The following ABCA4 variants were observed in gnomAD, a reference collection of about 807,000 sequenced individuals.
ABCA4 encodes retinal-specific phospholipid-transporting ATPase ABCA4.
ABCA4 carries 196 observed loss-of-function variants against 263.7 expected under a neutral mutation model. The ratio of observed to expected loss-of-function variants is 0.74; its 90% CI spans 0.66 to 0.84. The LOEUF (loss-of-function observed/expected upper bound fraction) is 0.84, where lower values mean the gene tolerates loss of function less well. Among genes scored for constraint, ABCA4 ranks in the 40% least tolerant of loss-of-function variants. The pLI is 0.00. For synonymous variants in ABCA4, 1,133 were observed against 1,094.2 expected (o/e 1.04, Z -0.70); for missense variants, 2,792 against 2,855.1 (o/e 0.98, Z 0.50).
rs372477715 is a variant in ABCA4 at position 94,030,350 on chromosome 1, C to T, written c.4352+78G>A. Reference sequence around the variant, plus strand: ...GCAGGATTGAGTGGGGCCTCCCCAACGCCTGCCATCTTGAACCCACCGTTG... The same window carrying T: ...GCAGGATTGAGTGGGGCCTCCCCAATGCCTGCCATCTTGAACCCACCGTTG... On this transcript the variant is annotated intron_variant, in intron 29 of 49. Transcript: ENST00000370225. 94 of 1,298,138 alleles carry T rather than the reference C, an allele frequency of 7.2e-5. 1 individual carries two copies. The highest frequency in any genetic ancestry group is 2.8e-4 in the Admixed American group (16 of 58,012). 80.4% of individuals were successfully genotyped at this position (1,298,138 alleles called of 1,614,324 possible). A position where few individuals can be genotyped will look rare whatever the true frequency, so the allele number is the denominator to read the frequency against.
chr1:94,036,243 C>T (rs1320502), intron 26 of ABCA4, among the ~76,000 whole-genome samples: 68,739 of 150,106 alleles, frequency 0.46, 16,726 homozygotes, highest in Non-Finnish European at 0.55. Context: ...TCCAAAGTGT[C>T]CCCATCTAGA....
At position 94,108,561 on chromosome 1, in the gene ABCA4, C is replaced by CTGCAGTCA; in HGVS notation, c.442+8_442+15dup. On this transcript the variant is annotated intron_variant, in intron 4 of 49. Transcript: ENST00000370225. ...GTGAGGGAAATGATGCTTGAGAGCACTGCAGTCATGCTTACCTGCAATTCT... is the reference window on the plus strand; with the variant it reads ...GTGAGGGAAATGATGCTTGAGAGCACTGCAGTCATGCAGTCATGCTTACCTGCAATTCT... The CTGCAGTCA allele has an allele frequency of 6.2e-7, 1 of 1,613,166 alleles. No homozygotes were observed. Among genetic ancestry groups the CTGCAGTCA allele is most frequent in the Non-Finnish European group, 8.5e-7 (1 of 1,179,782 alleles).
chr1:94,115,358 A>G (rs1263823444), intron 1 of ABCA4, among the ~76,000 whole-genome samples: 1 of 152,190 alleles, frequency 6.6e-6, no homozygotes, highest in African/African-American at 2.4e-5. Context: ...TACGTTAAAC[A>G]CTGATGCTGA....
At position 94,000,877 on chromosome 1, in the gene ABCA4, G is replaced by T. The variant is rs755121378; in HGVS notation, c.6438C>A (p.Gly2146=). Residue 2146 remains glycine, a synonymous_variant, in exon 47 of 50, where the codon GGC becomes GGA. Transcript: ENST00000370225. The part of the protein sequence containing the change: ...LCTRLAIMVK[G]AFRCMGTIQH... ...GAATGGTGCCCATACATCGAAAGGCGCCCTTTACCATGATGGCCAGCCGGG... is the reference window on the plus strand; with the variant it reads ...GAATGGTGCCCATACATCGAAAGGCTCCCTTTACCATGATGGCCAGCCGGG... The T allele has an allele frequency of 6.2e-7, 1 of 1,614,198 alleles. No individual in the cohort carries two copies. Among genetic ancestry groups the T allele is most frequent in the Admixed American group, 1.7e-5 (1 of 60,028 alleles).
intron 43 of ABCA4, among the ~76,000 whole-genome samples, chr1:94,007,210 C>CCTGCAGGAT (rs1373092069): frequency 6.6e-6 from 1 of 152,148 alleles, no homozygotes; most frequent in Non-Finnish European, 1.5e-5. Context: ...TTCAAGAGCT[C>CCTGCAGGAT]CTGCAGGATC....
intron 38 of ABCA4, among the ~76,000 whole-genome samples, chr1:94,012,732 C>T (rs1274159398): frequency 6.6e-6 from 1 of 152,222 alleles, no homozygotes; most frequent in Admixed American, 6.5e-5. Context: ...GCTGCTCTGT[C>T]ACACGCTGTA....
chr1:94,116,970 C>CTT (rs1466015867), intron 1 of ABCA4, among the ~76,000 whole-genome samples: 7 of 66,744 alleles, frequency 1.0e-4, no homozygotes, highest in African/African-American at 4.0e-4. Flanking sequence ...CTTTCTTTCT[C>CTT]TTTCTTTCTT....
At chr1:94,100,911 G>A (rs1454265587) in intron 5 of ABCA4, among the ~76,000 whole-genome samples, 2 of 152,232 alleles carry the variant, frequency 1.3e-5, no homozygotes, top group African/African-American at 4.8e-5. Context: ...GATGGAGGTG[G>A]AGATACAGAT....
intron 11 of ABCA4, among the ~76,000 whole-genome samples, chr1:94,070,966 C>T (rs569664754): frequency 5.9e-5 from 9 of 152,246 alleles, no homozygotes; most frequent in Admixed American, 3.9e-4. Flanking sequence ...AAGAGACTGG[C>T]GGCCTGGCAA....
intron 6 of ABCA4, among the ~76,000 whole-genome samples, chr1:94,088,797 A>G (rs1661899961): frequency 6.6e-6 from 1 of 151,920 alleles, no homozygotes. Flanking sequence ...ATGCAGACAA[A>G]AAGCAACCAG....
chr1:94,093,385 T>A (rs545769744), intron 6 of ABCA4, among the ~76,000 whole-genome samples: 1 of 152,318 alleles, frequency 6.6e-6, no homozygotes, highest in East Asian at 1.9e-4. Context: ...AAGGTAATCC[T>A]AACCCATAAG....
chr1:94,114,762 C>T (rs1450604600), intron 1 of ABCA4, among the ~76,000 whole-genome samples: 1 of 152,224 alleles, frequency 6.6e-6, no homozygotes, highest in African/African-American at 2.4e-5. Context: ...GCTGGGATTA[C>T]AGGCGTGAGC....
intron 11 of ABCA4, among the ~76,000 whole-genome samples, chr1:94,073,795 G>A (rs904148475): frequency 4.0e-5 from 6 of 151,512 alleles, no homozygotes; most frequent in Admixed American, 2.6e-4. Flanking sequence ...TTTATGTCAC[G>A]ATACGAATGT....
At chr1:94,012,544 C>T (rs1659575846) in intron 38 of ABCA4, among the ~76,000 whole-genome samples, 2 of 152,124 alleles carry the variant, frequency 1.3e-5, no homozygotes, top group South Asian at 4.1e-4. Flanking sequence ...ATTTTTTTGT[C>T]CTTCCTAAAT....
At chr1:94,040,585 C>G (rs190712556) in intron 23 of ABCA4, among the ~76,000 whole-genome samples, 9 of 152,282 alleles carry the variant, frequency 5.9e-5, no homozygotes, top group Admixed American at 3.9e-4. Context: ...TACTTTATCT[C>G]ACTTATCTTC....
At chr1:94,017,724 T>TGA (rs376619116) in intron 36 of ABCA4, among the ~76,000 whole-genome samples, 1 of 151,750 alleles carries the variant, frequency 6.6e-6, no homozygotes, top group Non-Finnish European at 1.5e-5. Flanking sequence ...CTGAGGGGTG[T>TGA]GAGAGAGAGA....
chr1:94,030,933 A>C lies in ABCA4; in HGVS notation c.4253+63T>G, dbSNP rs1254933581. ...AAGTGGGAAGGTCAGGGCCCTTCTA[A>C]GCAGCATGTGACCCAGGTGCCCCAA... On this transcript the variant is annotated intron_variant, in intron 28 of 49. Coordinates refer to ENST00000370225, the MANE Select transcript of ABCA4 (RefSeq NM_000350.3). 1.9e-6 allele frequency: 3 copies of C among 1,610,730 alleles called. No homozygotes were observed. In the Admixed American group the frequency reaches 5.0e-5, roughly 27 times the overall value.
chr1:94,024,677 T>C (rs991340163), intron 31 of ABCA4, among the ~76,000 whole-genome samples: 5 of 152,242 alleles, frequency 3.3e-5, no homozygotes, highest in Non-Finnish European at 5.9e-5. Flanking sequence ...TCTTCTGATA[T>C]AACTTTTAAT....
At chr1:94,089,437 GAT>G (rs1187644224) in intron 6 of ABCA4, among the ~76,000 whole-genome samples, 1 of 151,626 alleles carries the variant, frequency 6.6e-6, no homozygotes, top group East Asian at 1.9e-4. Context: ...CAGGCTAATT[GAT>G]ATAAACCAGA....
Sources: gnomAD v4.1 joint callset for allele counts (sites outside exome capture counted in the v4.1 genomes callset) on GRCh38, gnomAD v4.1.1 for gene constraint, MANE v1.5 for transcripts, NCBI Gene and HGNC (gene_info 2026-07-23, HGNC 2026-07-21) for gene names.